GRIK2: variants seen among roughly 807,000 people sequenced by gnomAD.
The protein encoded by GRIK2 is glutamate receptor ionotropic, kainate 2.
A neutral mutation model predicts 100.3 loss-of-function variants in GRIK2; 32 were observed. The ratio of observed to expected loss-of-function variants is 0.32; its 90% confidence interval spans 0.24 to 0.43. The LOEUF is 0.43. Among genes scored for constraint, GRIK2 ranks in the 20% least tolerant of loss-of-function variants. GRIK2 has a pLI of 1.00. For synonymous variants in GRIK2, 417 were observed against 389.4 expected, an observed-to-expected ratio of 1.07 and a Z score of -0.83; for missense variants, 843 against 1,114.9, an observed-to-expected ratio of 0.76 and a Z score of 3.47.
At chr6:101,694,889 T>A (rs1772368695) in intron 7 of GRIK2, among the ~76,000 whole-genome samples, 1 of 151,330 alleles carries the variant, frequency 6.6e-6, no homozygotes, top group Non-Finnish European at 1.5e-5. Flanking sequence ...ACCAATGCCA[T>A]ATAAAAAAAT....
chr6:101,824,974 T>G (rs1328028310), intron 10 of GRIK2, among the ~76,000 whole-genome samples: 1 of 152,100 alleles, frequency 6.6e-6, no homozygotes, highest in East Asian at 1.9e-4. Flanking sequence ...ACAAAAGCAG[T>G]TTTTTTCTAA....
At chr6:102,019,157 C>G (rs529633480) in intron 14 of GRIK2, among the ~76,000 whole-genome samples, 59 of 151,926 alleles carry the variant, frequency 3.9e-4, no homozygotes, top group Non-Finnish European at 7.1e-4. Context: ...AATGATGCAT[C>G]AGCTGAAATT....
Position 101,928,404 on chromosome 6 carries a change from C to G in GRIK2, c.1868-11C>G. 1 of 1,440,534 alleles carries G rather than the reference C, an allele frequency of 6.9e-7. No homozygotes were observed. The highest frequency in any genetic ancestry group is 9.8e-7 in the Non-Finnish European group (1 of 1,021,718). The allele number at this position is 1,440,534 out of a possible 1,614,324, so 89.2% of individuals were successfully genotyped here. A position where few individuals can be genotyped will look rare whatever the true frequency, so the allele number is the denominator to read the frequency against. ...CTATATTCGTTTCACCTTTCCCCCA[C>G]TCTCTGTTAGGTTCTGAGCTCATGC... is the stretch of plus-strand genomic sequence containing the variant. On this transcript the variant is annotated splice_polypyrimidine_tract_variant and intron_variant, in intron 13 of 16. Transcript: ENST00000369134.
intron 7 of GRIK2, among the ~76,000 whole-genome samples, chr6:101,799,438 C>A (rs539900117): frequency 6.6e-6 from 1 of 152,050 alleles, no homozygotes; most frequent in South Asian, 2.1e-4. Flanking sequence ...GAGGGTAGGT[C>A]AAATTTTCTT....
rs78586503 is a variant in GRIK2, at chr6:101,990,563, G to A, written c.2086-44778G>A. Among the ~76,000 whole-genome samples the A allele has an allele frequency of 5.4e-3, 818 of 151,722 alleles. 2 individuals carry two copies. Among genetic ancestry groups the A allele is most frequent in the Non-Finnish European group, 8.5e-3 (577 of 67,700 alleles). On this transcript the variant is annotated intron_variant, in intron 14 of 16. Coordinates refer to ENST00000369134, the MANE Select transcript of GRIK2 (RefSeq NM_021956.5). ...CAGGAAATGAAAACTTAGCATGAGA[G>A]AGACAGAACATGCTATGAAAATGTA...
At chr6:101,999,493 T>C (rs574795269) in intron 14 of GRIK2, among the ~76,000 whole-genome samples, 3 of 152,152 alleles carry the variant, frequency 2.0e-5, no homozygotes, top group East Asian at 1.9e-4. Flanking sequence ...CTATTGTAAA[T>C]GGTATTTTCA....
chr6:101,465,273 C>T (rs1005063128), intron 2 of GRIK2, among the ~76,000 whole-genome samples: 19 of 151,986 alleles, frequency 1.3e-4, no homozygotes, highest in African/African-American at 4.6e-4. Flanking sequence ...CCCCTCAAAC[C>T]TTCCCATCCT....
chr6:101,645,679 A>G (rs1174938635), intron 4 of GRIK2, among the ~76,000 whole-genome samples: 1 of 151,952 alleles, frequency 6.6e-6, no homozygotes, highest in Non-Finnish European at 1.5e-5. Flanking sequence ...AACTTGTTCA[A>G]TTAGTTGAAA....
At chr6:101,832,463 T>A (rs1463071784) in intron 10 of GRIK2, among the ~76,000 whole-genome samples, 3 of 152,164 alleles carry the variant, frequency 2.0e-5, no homozygotes, top group African/African-American at 7.2e-5. Context: ...CAACCAATAA[T>A]CACAAATTAT....
chr6:101,647,295 G>T (rs1781575758), intron 4 of GRIK2, among the ~76,000 whole-genome samples: 1 of 151,018 alleles, frequency 6.6e-6, no homozygotes, highest in Non-Finnish European at 1.5e-5. Flanking sequence ...CTAAACAAGA[G>T]GCTAGGGTCC....
chr6:101,595,737 TA>T (rs1778899050), intron 2 of GRIK2, among the ~76,000 whole-genome samples: 2 of 147,470 alleles, frequency 1.4e-5, no homozygotes, highest in African/African-American at 2.5e-5. Context: ...TATATATATA[TA>T]TATTCATACA....
At chr6:101,616,079 T>C (rs959857731) in intron 2 of GRIK2, among the ~76,000 whole-genome samples, 2 of 151,738 alleles carry the variant, frequency 1.3e-5, no homozygotes, top group Non-Finnish European at 2.9e-5. Context: ...ATCCTCTCTT[T>C]TTCCTGAGAC....
intron 14 of GRIK2, 48 bp downstream of exon 14, chr6:101,928,680 G>A (rs757522755): frequency 5.7e-5 from 52 of 911,486 alleles, no homozygotes; most frequent in East Asian, 3.9e-4. Context: ...ATGATAGAGC[G>A]CAAACTTCTC....
intron 10 of GRIK2, among the ~76,000 whole-genome samples, chr6:101,846,879 T>C (rs1048914701): frequency 6.6e-6 from 1 of 152,024 alleles, no homozygotes; most frequent in African/African-American, 2.4e-5. Context: ...TGATTTTTTT[T>C]GCTATTACTT....
At chr6:101,879,952 C>G (rs1440308322) in intron 11 of GRIK2, among the ~76,000 whole-genome samples, 1 of 151,858 alleles carries the variant, frequency 6.6e-6, no homozygotes, top group Non-Finnish European at 1.5e-5. Context: ...GTCCACCAAC[C>G]CATAGCCTAA....
intron 7 of GRIK2, among the ~76,000 whole-genome samples, chr6:101,789,659 T>C (rs1460266646): frequency 6.6e-6 from 1 of 152,212 alleles, no homozygotes; most frequent in African/African-American, 2.4e-5. Context: ...AGCTTTGTTC[T>C]TTTGGCTTAG....
chr6:101,683,775 ATTTAAAC>A (rs1771466837), intron 6 of GRIK2, among the ~76,000 whole-genome samples: 2 of 152,214 alleles, frequency 1.3e-5, no homozygotes, highest in African/African-American at 4.8e-5. Flanking sequence ...ATTTCGAAAT[ATTTAAAC>A]TTTAGTGTCC....
rs73764505 is a variant in GRIK2 at position 101,703,223 on chromosome 6, G to T, written c.951+16870G>T. Among the ~76,000 whole-genome samples the T allele has an allele frequency of 8.5e-3, 1,293 of 151,948 alleles. 13 individuals carry two copies. The highest frequency in any genetic ancestry group is 0.029 in the African/African-American group (1,207 of 41,508). On this transcript the variant is annotated intron_variant, in intron 7 of 16. Coordinates refer to ENST00000369134, the MANE Select transcript of GRIK2 (RefSeq NM_021956.5). Reference sequence around the variant, plus strand: ...GATAATATTTACAGCTAAGAAACTGGTTAAGATTATCCAAGGGTATAGTGT... The same window carrying T: ...GATAATATTTACAGCTAAGAAACTGTTTAAGATTATCCAAGGGTATAGTGT...
At chr6:101,650,994 CTTTCTTTTTCT>C (rs1781759088) in intron 4 of GRIK2, among the ~76,000 whole-genome samples, 1 of 103,376 alleles carries the variant, frequency 9.7e-6, no homozygotes, top group Non-Finnish European at 1.9e-5. Context: ...TTTTGTATTT[CTTTCTTTTTCT>C]TTTTTTTTTT....
Sources: allele counts gnomAD v4.1 joint callset (sites outside exome capture counted in the v4.1 genomes callset), GRCh38; gene constraint gnomAD v4.1.1; transcripts MANE v1.5; gene names NCBI Gene and HGNC (gene_info 2026-07-23, HGNC 2026-07-21).